GALNT17: variants seen among roughly 807,000 people sequenced by gnomAD.
GALNT17 encodes UDP-GalNAc:polypeptide N-acetylgalactosaminyltransferase-like 3.
GALNT17 carries 29 observed loss-of-function variants against 63.7 expected under a neutral mutation model. The observed-to-expected ratio is 0.46, with a 90% CI of 0.34 to 0.62. The LOEUF is 0.62. GALNT17 is among the 20% of genes least tolerant of loss of function. The pLI is 0.01. For synonymous variants in GALNT17, 305 were observed against 318.3 expected (o/e 0.96, Z 0.45); for missense variants, 603 against 799.6 (o/e 0.75, Z 2.97).
chr7:71,208,003 T>C (rs1789305864), intron 1 of GALNT17, among the ~76,000 whole-genome samples: 1 of 151,706 alleles, frequency 6.6e-6, no homozygotes, highest in Non-Finnish European at 1.5e-5. Flanking sequence ...GGCACGATCA[T>C]GGCTCACTGC....
At chr7:71,563,246 T>C (rs1789284859) in intron 5 of GALNT17, among the ~76,000 whole-genome samples, 1 of 152,254 alleles carries the variant, frequency 6.6e-6, no homozygotes, top group African/African-American at 2.4e-5. Flanking sequence ...CTTTGAAGGA[T>C]GAGGCTGGAG....
chr7:71,676,060 G>A (rs1791145843), intron 8 of GALNT17, among the ~76,000 whole-genome samples: 1 of 152,140 alleles, frequency 6.6e-6, no homozygotes, highest in Non-Finnish European at 1.5e-5. Flanking sequence ...ATATAACCTG[G>A]AGGGGAATGA....
chr7:71,373,141 TG>T (rs1192258013), intron 2 of GALNT17, among the ~76,000 whole-genome samples: 1 of 152,212 alleles, frequency 6.6e-6, no homozygotes, highest in Non-Finnish European at 1.5e-5. Flanking sequence ...CATCTTGTCT[TG>T]AGCTGGCTGG....
intron 1 of GALNT17, among the ~76,000 whole-genome samples, chr7:71,276,605 T>C (rs925586489): frequency 6.6e-6 from 1 of 152,178 alleles, no homozygotes; most frequent in East Asian, 1.9e-4. Flanking sequence ...CCTACCACCA[T>C]GTAAGACGTG....
chr7:71,188,401 AC>A, intron 1 of GALNT17, among the ~76,000 whole-genome samples: 1 of 152,000 alleles, frequency 6.6e-6, no homozygotes, highest in African/African-American at 2.4e-5. Context: ...TTATTTTGTT[AC>A]TTTTTTTGAT....
chr7:71,454,147 A>G (rs1787314522), intron 5 of GALNT17, among the ~76,000 whole-genome samples: 1 of 152,194 alleles, frequency 6.6e-6, no homozygotes, highest in African/African-American at 2.4e-5. Flanking sequence ...GGTTTGTTAC[A>G]GAGGTAAACA....
rs370306685 is a variant in GALNT17 at position 71,677,159 on chromosome 7, C to T, written c.1405-52C>T. On this transcript the variant is annotated intron_variant, in intron 8 of 10. Coordinates refer to ENST00000333538, the MANE Select transcript of GALNT17 (RefSeq NM_022479.3). ...CATGGTAGAACAGTGACTCGGCATC[C>T]ACACCTCCACTAGCTGAGCTCTCAT... 1.9e-4 allele frequency: 296 copies of T among 1,586,142 alleles called. 1 individual carries two copies. The highest frequency in any genetic ancestry group is 4.9e-4 in the South Asian group (44 of 90,454).
intron 1 of GALNT17, among the ~76,000 whole-genome samples, chr7:71,236,116 G>A (rs1413688355): frequency 1.3e-5 from 2 of 152,028 alleles, no homozygotes; most frequent in Admixed American, 1.3e-4. Flanking sequence ...AGGAGGTGGA[G>A]GTTGCAGTGA....
intron 5 of GALNT17, among the ~76,000 whole-genome samples, chr7:71,511,309 G>A (rs1446798573): frequency 6.6e-6 from 1 of 152,182 alleles, no homozygotes; most frequent in East Asian, 1.9e-4. Flanking sequence ...GGAAACCAGG[G>A]TGCCTGGAGT....
chr7:71,287,452 C>T (rs182822528), intron 1 of GALNT17, among the ~76,000 whole-genome samples: 2 of 152,172 alleles, frequency 1.3e-5, no homozygotes, highest in African/African-American at 2.4e-5. Context: ...GGAGGGTTCC[C>T]ACCTCCCTCT....
intron 8 of GALNT17, among the ~76,000 whole-genome samples, chr7:71,672,323 A>G (rs1791082901): frequency 6.6e-6 from 1 of 152,210 alleles, no homozygotes; most frequent in African/African-American, 2.4e-5. Flanking sequence ...GAAAGAAATA[A>G]TAAAAGAACC....
At chr7:71,186,636 C>T (rs185453130) in intron 1 of GALNT17, among the ~76,000 whole-genome samples, 34 of 152,198 alleles carry the variant, frequency 2.2e-4, no homozygotes, top group Non-Finnish European at 1.2e-4. Flanking sequence ...ATAAGCTGAT[C>T]AACTCTGGAG....
chr7:71,179,921 G>A (rs1788705599), intron 1 of GALNT17, among the ~76,000 whole-genome samples: 1 of 152,094 alleles, frequency 6.6e-6, no homozygotes, highest in Non-Finnish European at 1.5e-5. Flanking sequence ...TTTGATAATT[G>A]TTACTTGCAG....
intron 5 of GALNT17, among the ~76,000 whole-genome samples, chr7:71,455,450 T>G (rs995855416): frequency 3.3e-5 from 5 of 152,054 alleles, no homozygotes; most frequent in Non-Finnish European, 7.4e-5. Context: ...GGGTTTTGGA[T>G]TTTATTATTT....
chr7:71,669,119 G>T (rs1333344618), intron 7 of GALNT17, among the ~76,000 whole-genome samples: 1 of 152,170 alleles, frequency 6.6e-6, no homozygotes, highest in African/African-American at 2.4e-5. Flanking sequence ...CAATGATAAG[G>T]ATGGTTGACC....
chr7:71,241,528 T>C (rs17142980), intron 1 of GALNT17, among the ~76,000 whole-genome samples: 2,393 of 152,346 alleles, frequency 0.016, 72 homozygotes, highest in African/African-American at 0.055. Context: ...TTTCCAATTT[T>C]GCTCTTAAAG....
At chr7:71,312,719 C>T (rs937841270) in intron 1 of GALNT17, among the ~76,000 whole-genome samples, 26 of 152,168 alleles carry the variant, frequency 1.7e-4, no homozygotes, top group African/African-American at 5.6e-4. Context: ...CTCATTTTAA[C>T]ATAGTCACCT....
intron 6 of GALNT17, among the ~76,000 whole-genome samples, chr7:71,600,760 A>ATT (rs1789955311): frequency 9.5e-5 from 1 of 10,478 alleles, no homozygotes; most frequent in African/African-American, 3.9e-4. Context: ...TTGTTTTTTC[A>ATT]CTCTTTTTTT....
intron 1 of GALNT17, among the ~76,000 whole-genome samples, chr7:71,304,374 G>A (rs1791253322): frequency 6.6e-6 from 1 of 152,156 alleles, no homozygotes; most frequent in African/African-American, 2.4e-5. Flanking sequence ...GCATGGAGTG[G>A]GTGACAAAGT....
Sources: allele counts gnomAD v4.1 joint callset (sites outside exome capture counted in the v4.1 genomes callset), GRCh38; gene constraint gnomAD v4.1.1; transcripts MANE v1.5; gene names NCBI Gene and HGNC (gene_info 2026-07-23, HGNC 2026-07-21).